Variants in FSTL5 observed in about 807,000 individuals in gnomAD.
FSTL5 encodes follistatin-related protein 5.
FSTL5 carries 62 observed loss-of-function variants against 89.1 expected under a neutral mutation model. The ratio of observed to expected loss-of-function variants is 0.70; its 90% confidence interval spans 0.57 to 0.86. The LOEUF is 0.86. Among genes scored for constraint, FSTL5 ranks in the 40% least tolerant of loss-of-function variants. The pLI is 0.00. For missense variants in FSTL5, 1,057 were observed against 1,001.6 expected (o/e 1.06, Z -0.75); for synonymous variants, 383 against 346.2 (o/e 1.11, Z -1.18).
rs767164383 is a variant in FSTL5, at chr4:161,447,100, C to T, written c.1841+7904G>A. Among the ~76,000 whole-genome samples, 282 of 151,968 alleles carry T rather than the reference C, an allele frequency of 1.9e-3. 6 individuals carry two copies. The highest frequency in any genetic ancestry group is 5.7e-4 in the Non-Finnish European group (39 of 67,940). ...GCATAAGGACCTCTGAGAGAAGAAG[C>T]AAGAGCTATTTTACTTTGCATAATA... On this transcript the variant is annotated intron_variant, in intron 15 of 15. Coordinates refer to ENST00000306100, the MANE Select transcript of FSTL5 (RefSeq NM_020116.5).
intron 3 of FSTL5, among the ~76,000 whole-genome samples, chr4:162,007,343 T>G (rs1736641825): frequency 6.6e-6 from 1 of 151,798 alleles, no homozygotes; most frequent in Non-Finnish European, 1.5e-5. Flanking sequence ...CATTCTATGT[T>G]GAGTTACTAA....
chr4:161,889,511 G>C (rs1322168847), intron 4 of FSTL5, among the ~76,000 whole-genome samples: 1 of 152,096 alleles, frequency 6.6e-6, no homozygotes, highest in African/African-American at 2.4e-5. Flanking sequence ...AGGTGTGGCA[G>C]TGCATGCCTG....
chr4:161,638,878 A>C (rs1283731974), intron 7 of FSTL5, among the ~76,000 whole-genome samples: 25 of 138,376 alleles, frequency 1.8e-4, no homozygotes, highest in African/African-American at 6.0e-4. Flanking sequence ...CAGCATATAA[A>C]CAGAGCCAAA....
intron 11 of FSTL5, among the ~76,000 whole-genome samples, chr4:161,500,914 T>C (rs1280474638): frequency 6.6e-6 from 1 of 152,094 alleles, no homozygotes; most frequent in Non-Finnish European, 1.5e-5. Flanking sequence ...AACTTCCACA[T>C]ACTCATGAAC....
intron 10 of FSTL5, among the ~76,000 whole-genome samples, chr4:161,521,548 T>C (rs1053440728): frequency 1.3e-5 from 2 of 151,974 alleles, no homozygotes; most frequent in Admixed American, 1.3e-4. Context: ...TATCTAAGCC[T>C]GGTTAAAGAA....
At chr4:161,438,225 T>C (rs1370835726) in intron 15 of FSTL5, among the ~76,000 whole-genome samples, 1 of 147,084 alleles carries the variant, frequency 6.8e-6, no homozygotes, top group Non-Finnish European at 1.5e-5. Flanking sequence ...TCTATAAAAG[T>C]GAGATAATGT....
At chr4:161,696,372 T>C (rs2126725454) in intron 6 of FSTL5, among the ~76,000 whole-genome samples, 1 of 152,310 alleles carries the variant, frequency 6.6e-6, no homozygotes, top group South Asian at 2.1e-4. Flanking sequence ...CCTTATAGTA[T>C]AGTTTGAAAT....
intron 3 of FSTL5, among the ~76,000 whole-genome samples, chr4:161,999,542 A>C (rs1167155037): frequency 1.3e-5 from 2 of 152,156 alleles, no homozygotes. Context: ...TATAATAAAC[A>C]CTTCATGGTG....
chr4:161,851,454 T>C (rs1312385571), intron 4 of FSTL5, among the ~76,000 whole-genome samples: 1 of 152,154 alleles, frequency 6.6e-6, no homozygotes, highest in Non-Finnish European at 1.5e-5. Flanking sequence ...ATACAACTGA[T>C]TTTGGAAACG....
chr4:161,948,413 CTT>C lies in FSTL5; in HGVS notation c.161-27763_161-27762del, dbSNP rs573490161. Among the ~76,000 whole-genome samples the C allele has an allele frequency of 2.1e-3, 307 of 149,396 alleles. 2 individuals are homozygous for C. The highest frequency in any genetic ancestry group is 7.0e-3 in the African/African-American group (285 of 40,788). Reference sequence around the variant, plus strand: ...CAGGTGGAGAGAAATGTTTTCAGCTCTTGTTTCCAATTTTTGAGGGACATTTG... The same window carrying C: ...CAGGTGGAGAGAAATGTTTTCAGCTCGTTTCCAATTTTTGAGGGACATTTG... On this transcript the variant is annotated intron_variant, in intron 3 of 15. Transcript: ENST00000306100.
intron 1 of FSTL5, among the ~76,000 whole-genome samples, chr4:162,137,105 T>A (rs1262976501): frequency 1.3e-5 from 2 of 152,078 alleles, no homozygotes; most frequent in East Asian, 3.9e-4. Context: ...ATACTTTAAC[T>A]TTTTCTCAGC....
intron 10 of FSTL5, among the ~76,000 whole-genome samples, chr4:161,517,314 T>A (rs1312133653): frequency 6.6e-6 from 1 of 152,198 alleles, no homozygotes; most frequent in Admixed American, 6.5e-5. Flanking sequence ...ATAAAAATTA[T>A]CTGCTTTGAT....
At chr4:161,757,878 C>T (rs975675769) in intron 6 of FSTL5, among the ~76,000 whole-genome samples, 1 of 152,148 alleles carries the variant, frequency 6.6e-6, no homozygotes, top group Non-Finnish European at 1.5e-5. Context: ...CTCAGCCTCC[C>T]AAAGTGCTGG....
chr4:161,413,565 A>G (rs1392991397), intron 15 of FSTL5, among the ~76,000 whole-genome samples: 1 of 152,198 alleles, frequency 6.6e-6, no homozygotes. Flanking sequence ...CAGCAATCCC[A>G]TTACTGAGCA....
At chr4:161,425,803 C>G (rs1732149249) in intron 15 of FSTL5, among the ~76,000 whole-genome samples, 1 of 152,188 alleles carries the variant, frequency 6.6e-6, no homozygotes, top group Non-Finnish European at 1.5e-5. Context: ...TGAAATCACA[C>G]AGCTCACTTA....
intron 2 of FSTL5, among the ~76,000 whole-genome samples, chr4:162,061,593 T>C (rs1024221337): frequency 2.6e-5 from 4 of 152,164 alleles, no homozygotes; most frequent in African/African-American, 9.7e-5. Context: ...CAGGGCCAGC[T>C]ACATAACATG....
chr4:161,486,165 A>AAAAAAAAAAT (rs201126683), intron 12 of FSTL5, among the ~76,000 whole-genome samples: 1 of 147,516 alleles, frequency 6.8e-6, no homozygotes, highest in Non-Finnish European at 1.5e-5. Context: ...AAAAAAAAAA[A>AAAAAAAAAAT]GTAAATATCT....
chr4:161,679,320 C>T (rs1332281576), intron 6 of FSTL5, among the ~76,000 whole-genome samples: 2 of 151,644 alleles, frequency 1.3e-5, no homozygotes, highest in Non-Finnish European at 3.0e-5. Flanking sequence ...AAGCTACATA[C>T]TGTTTTTTCA....
intron 4 of FSTL5, among the ~76,000 whole-genome samples, chr4:161,893,412 C>T (rs572978698): frequency 9.9e-5 from 15 of 152,202 alleles, no homozygotes; most frequent in Admixed American, 9.2e-4. Context: ...ATATTTTAAA[C>T]TTGTCATCTT....
Sources: gnomAD v4.1 joint callset for allele counts (sites outside exome capture counted in the v4.1 genomes callset) on GRCh38, gnomAD v4.1.1 for gene constraint, MANE v1.5 for transcripts, NCBI Gene and HGNC (gene_info 2026-07-23, HGNC 2026-07-21) for gene names.